The following EGFR variants were observed in gnomAD, a reference collection of about 807,000 sequenced individuals.
EGFR encodes the protein epidermal growth factor receptor.
A neutral mutation model predicts 143.0 loss-of-function variants in EGFR; 58 were observed. The ratio of observed to expected loss-of-function variants is 0.41; its 90% CI spans 0.33 to 0.50. The LOEUF is 0.50. Ranked by LOEUF, EGFR falls within the 20% of genes least tolerant of loss-of-function variation. The probability of loss-of-function intolerance (pLI) is 0.39; values close to 1 mark genes in which losing one functional copy is unlikely to be tolerated. For synonymous variants in EGFR, 613 were observed against 594.4 expected (o/e 1.03, Z -0.45); for missense variants, 1,307 against 1,579.0 (o/e 0.83, Z 2.92).
intron 4 of EGFR, among the ~76,000 whole-genome samples, chr7:55,149,775 A>C (rs1794938659): frequency 6.6e-6 from 1 of 152,222 alleles, no homozygotes; most frequent in African/African-American, 2.4e-5. Flanking sequence ...TTTTGTGAAC[A>C]AATTATATAT....
At chr7:55,119,229 TAC>T (rs1487203507) in intron 1 of EGFR, 1 of 152,244 alleles carries the variant, frequency 6.6e-6, no homozygotes, top group Non-Finnish European at 1.5e-5. Flanking sequence ...TATTTCTCCA[TAC>T]ACAGTGTCTA....
At position 55,192,858 on chromosome 7, in the gene EGFR, A is replaced by G. The variant is rs1186300611; in HGVS notation, c.2701+17A>G. On this transcript the variant is annotated intron_variant, in intron 22 of 27. Coordinates refer to ENST00000275493, the MANE Select transcript of EGFR (RefSeq NM_005228.5). ...GGAGCTACGGTGAGTCATAATCCTG[A>G]TGCTAATGAGTTTGTACTGAGGCCA... is the stretch of plus-strand genomic sequence containing the variant. 6.2e-7 allele frequency: 1 copy of G among 1,613,040 alleles called. No homozygotes were observed. The highest frequency in any genetic ancestry group is 2.2e-5 in the East Asian group (1 of 44,882).
At chr7:55,151,051 T>C (rs1230122959) in intron 4 of EGFR, among the ~76,000 whole-genome samples, 4 of 152,214 alleles carry the variant, frequency 2.6e-5, no homozygotes, top group Admixed American at 6.5e-5. Context: ...ATGTGGCCCA[T>C]GTCAGTAATT....
chr7:55,160,543 A>G (rs994354744), intron 12 of EGFR, among the ~76,000 whole-genome samples: 1 of 152,244 alleles, frequency 6.6e-6, no homozygotes, highest in African/African-American at 2.4e-5. Flanking sequence ...CAATGGGATG[A>G]ATTTACCCTG....
At position 55,160,262 on chromosome 7, in the gene EGFR, A is replaced by C. The variant is rs779726192; in HGVS notation, c.1422A>C (p.Thr474=). 1.9e-6 allele frequency: 3 copies of C among 1,614,104 alleles called. No individual in the cohort carries two copies. Among genetic ancestry groups the C allele is most frequent in the Non-Finnish European group, 2.5e-6 (3 of 1,180,008 alleles). Residue 474 remains threonine (T), a synonymous_variant, in exon 12 of 28, where the codon ACA becomes ACC. Coordinates refer to ENST00000275493, the MANE Select transcript of EGFR (RefSeq NM_005228.5). The part of the protein sequence containing the change: ...SGNKNLCYAN[T]INWKKLFGTS... ...ACAAAAATTTGTGCTATGCAAATAC[A>C]ATAAACTGGAAAAAACTGTTTGGGA...
chr7:55,061,435 G>A (rs1789160772), intron 1 of EGFR, among the ~76,000 whole-genome samples: 1 of 152,148 alleles, frequency 6.6e-6, no homozygotes, highest in African/African-American at 2.4e-5. Context: ...CCATGTCAAT[G>A]TGAATTTTAA....
At chr7:55,156,357 C>A (rs533250501) in intron 8 of EGFR, among the ~76,000 whole-genome samples, 176 bp from the exon 9 acceptor site, 1 of 152,224 alleles carries the variant, frequency 6.6e-6, no homozygotes, top group Non-Finnish European at 1.5e-5. Flanking sequence ...TGGTGTCCCC[C>A]CTTCCCGCCT....
intron 15 of EGFR, among the ~76,000 whole-genome samples, chr7:55,166,006 C>T (rs1785959831): frequency 6.6e-6 from 1 of 152,008 alleles, no homozygotes; most frequent in African/African-American, 2.4e-5. Flanking sequence ...GGTGAAACCC[C>T]ACCTCTACTA....
chr7:55,074,425 C>G (rs1356410938), intron 1 of EGFR, among the ~76,000 whole-genome samples: 1 of 152,226 alleles, frequency 6.6e-6, no homozygotes, highest in Admixed American at 6.5e-5. Context: ...TGTGGGTTTA[C>G]AGCTGGCCCC....
At chr7:55,063,265 T>G (rs1255629895) in intron 1 of EGFR, among the ~76,000 whole-genome samples, 2 of 152,168 alleles carry the variant, frequency 1.3e-5, no homozygotes, top group Non-Finnish European at 1.5e-5. Context: ...TTGGCCAAGT[T>G]TTCTCTCCCC....
In EGFR at chr7:55,181,681, T is replaced by G. The variant is rs1786888199; in HGVS notation, c.2469+203T>G. On this transcript the variant is annotated intron_variant, in intron 20 of 27. Coordinates refer to ENST00000275493, the MANE Select transcript of EGFR (RefSeq NM_005228.5). ...GCCTGTCCCATCTGCATGTGGAAACTCTCATCAATCAGCTACCTTTGAAGA... is the reference window on the plus strand; with the variant it reads ...GCCTGTCCCATCTGCATGTGGAAACGCTCATCAATCAGCTACCTTTGAAGA... 1.4e-5 allele frequency: 9 copies of G among 649,160 alleles called. No homozygotes were observed. In the South Asian group the frequency reaches 1.7e-4, roughly 12 times the overall value. 40.2% of individuals were successfully genotyped at this position (649,160 alleles called of 1,614,324 possible).
At chr7:55,041,159 T>G (rs1445233629) in intron 1 of EGFR, among the ~76,000 whole-genome samples, 1 of 152,236 alleles carries the variant, frequency 6.6e-6, no homozygotes, top group Non-Finnish European at 1.5e-5. Flanking sequence ...ATGCCTTTAA[T>G]CCCAGCACTT....
At chr7:55,157,594 G>A in intron 10 of EGFR, 69 bp from the exon 11 acceptor site, 1 of 1,274,348 alleles carries the variant, frequency 7.8e-7, no homozygotes, top group Non-Finnish European at 1.1e-6. Context: ...TGAGAGTCTA[G>A]AGTAATGTCT....
At chr7:55,191,115 C>T (rs891270398) in intron 20 of EGFR, among the ~76,000 whole-genome samples, 2 of 152,152 alleles carry the variant, frequency 1.3e-5, no homozygotes, top group African/African-American at 4.8e-5. Flanking sequence ...ATTTCAATTG[C>T]AGCGAGATTG....
At chr7:55,074,129 C>T (rs943485154) in intron 1 of EGFR, among the ~76,000 whole-genome samples, 1 of 152,226 alleles carries the variant, frequency 6.6e-6, no homozygotes, top group African/African-American at 2.4e-5. Context: ...ACCCCTGCTG[C>T]GCTCTGGCTC....
In EGFR at chr7:55,152,564, C is replaced by A; in HGVS notation, c.647C>A (p.Ala216Asp). Residue 216 changes from alanine (A) to aspartate (D), a missense_variant, in exon 6 of 28, where the codon GCC (alanine) becomes GAC (aspartate). Ala to Asp is a moderately radical substitution (Grantham distance 126, BLOSUM62 -2). This residue lies in a region of EGFR where 311 missense variants were observed against 412.3 expected (regional missense o/e 0.75). Transcript: ENST00000275493. ...NCQKLTKIIC[A>D]QQCSGRCRGK... is the part of the protein sequence containing the mutation. ...TTTTCAGTGACCAAAATCATCTGTG[C>A]CCAGCAGTGCTCCGGGCGCTGCCGT... 6.2e-7 allele frequency: 1 copy of A among 1,614,010 alleles called. No individual in the cohort carries two copies. The highest frequency in any genetic ancestry group is 8.5e-7 in the Non-Finnish European group (1 of 1,180,030).
In EGFR at chr7:55,151,131, C is replaced by T. The variant is rs188888803; in HGVS notation, c.560-163C>T. On this transcript the variant is annotated intron_variant, in intron 4 of 27. Coordinates refer to ENST00000275493, the MANE Select transcript of EGFR (RefSeq NM_005228.5). ...TTCATGGTTCATCTTCTTTTCTTATCGGGGTCTCAAGTGATTCTACAAACC... is the reference window on the plus strand; with the variant it reads ...TTCATGGTTCATCTTCTTTTCTTATTGGGGTCTCAAGTGATTCTACAAACC... 3.9e-5 allele frequency among the ~76,000 whole-genome samples: 6 copies of T among 152,300 alleles called. No individual in the cohort carries two copies. In the East Asian group the frequency reaches 1.2e-3, roughly 29 times the overall value.
chr7:55,163,952 G>C (rs555062538), intron 14 of EGFR, 129 bp downstream of exon 14: 8 of 1,008,790 alleles, frequency 7.9e-6, no homozygotes, highest in Non-Finnish European at 1.1e-5. Flanking sequence ...CAGAGGAGAC[G>C]GCAGGCGCTG....
chr7:55,185,107 A>ACTGG (rs1787072339), intron 20 of EGFR, among the ~76,000 whole-genome samples: 1 of 152,204 alleles, frequency 6.6e-6, no homozygotes, highest in Admixed American at 6.5e-5. Context: ...TCCTGACTAA[A>ACTGG]CTGCCAAAGA....
Sources: allele counts gnomAD v4.1 joint callset (sites outside exome capture counted in the v4.1 genomes callset), GRCh38; gene constraint gnomAD v4.1.1; regional missense constraint gnomAD v4.1.1; transcripts MANE v1.5; gene names NCBI Gene and HGNC (gene_info 2026-07-23, HGNC 2026-07-21).